Variants in NRXN1 observed in about 807,000 individuals in gnomAD.
NRXN1 encodes the protein neurexin 1.
NRXN1 carries 39 observed loss-of-function variants against 150.9 expected under a neutral mutation model. That is an observed-to-expected ratio of 0.26 (90% CI 0.20 to 0.34). The LOEUF (loss-of-function observed/expected upper bound fraction) is 0.34, where lower values mean the gene tolerates loss of function less well. Ranked by LOEUF, NRXN1 falls within the 10% of genes least tolerant of loss-of-function variation. NRXN1 has a pLI of 1.00. For synonymous variants in NRXN1, 924 were observed against 757.0 expected (o/e 1.22, Z -3.62); for missense variants, 1,815 against 1,949.9 (o/e 0.93, Z 1.30).
chr2:50,404,104 C>T (rs938467285), intron 17 of NRXN1, among the ~76,000 whole-genome samples: 5 of 152,100 alleles, frequency 3.3e-5, no homozygotes, highest in African/African-American at 1.2e-4. Flanking sequence ...ACCCTAAGCT[C>T]CACCTCACAC....
intron 18 of NRXN1, among the ~76,000 whole-genome samples, chr2:50,122,122 C>T (rs1162975578): frequency 6.6e-6 from 1 of 152,194 alleles, no homozygotes; most frequent in South Asian, 2.1e-4. Context: ...ACAGCAGATA[C>T]ACTTGCTGTT....
At chr2:50,913,554 A>G (rs767112613) in intron 5 of NRXN1, among the ~76,000 whole-genome samples, 6 of 151,788 alleles carry the variant, frequency 4.0e-5, no homozygotes, top group Non-Finnish European at 8.8e-5. Context: ...TTGTCTCAGT[A>G]GTGTAATTGT....
chr2:50,452,802 T>A (rs1287339702), intron 17 of NRXN1, among the ~76,000 whole-genome samples: 2 of 152,162 alleles, frequency 1.3e-5, no homozygotes, highest in Non-Finnish European at 2.9e-5. Flanking sequence ...AAACTTTAAT[T>A]CTCAATCTAT....
chr2:50,188,180 G>C (rs1316189150), intron 18 of NRXN1, among the ~76,000 whole-genome samples: 2 of 152,008 alleles, frequency 1.3e-5, no homozygotes, highest in Admixed American at 6.6e-5. Context: ...CAGATATATA[G>C]ACCAATGGAA....
chr2:50,438,304 T>A (rs1347592827), intron 17 of NRXN1, among the ~76,000 whole-genome samples: 2 of 152,206 alleles, frequency 1.3e-5, no homozygotes, highest in African/African-American at 4.8e-5. Flanking sequence ...CAGCCCCAGA[T>A]GGAGAAAACT....
chr2:50,616,544 C>A (rs1262188467), intron 8 of NRXN1: 1 of 151,870 alleles, frequency 6.6e-6, no homozygotes, highest in Non-Finnish European at 1.5e-5. Context: ...TATTTTTATG[C>A]CTTGAATGCC....
At chr2:50,203,885 G>C (rs2062370450) in intron 18 of NRXN1, among the ~76,000 whole-genome samples, 1 of 152,046 alleles carries the variant, frequency 6.6e-6, no homozygotes, top group African/African-American at 2.4e-5. Flanking sequence ...CAGTGACTGG[G>C]TGAGTTTTCC....
At chr2:50,641,581 T>G (rs544541736) in intron 5 of NRXN1, among the ~76,000 whole-genome samples, 1 of 152,176 alleles carries the variant, frequency 6.6e-6, no homozygotes, top group South Asian at 2.1e-4. Context: ...AATGGAAAGT[T>G]TTATTCTTCC....
intron 5 of NRXN1, among the ~76,000 whole-genome samples, chr2:50,720,292 A>C (rs1002528760): frequency 4.6e-5 from 7 of 152,168 alleles, no homozygotes; most frequent in African/African-American, 1.7e-4. Flanking sequence ...AAATTCATAT[A>C]AAACCAGTTA....
chr2:50,078,559 C>T (rs549056641), intron 19 of NRXN1, among the ~76,000 whole-genome samples: 3 of 152,062 alleles, frequency 2.0e-5, no homozygotes, highest in African/African-American at 7.2e-5. Flanking sequence ...TTTTCTATTG[C>T]AGGATCTAAC....
At chr2:50,392,679 G>A (rs1407154497) in intron 17 of NRXN1, among the ~76,000 whole-genome samples, 1 of 152,106 alleles carries the variant, frequency 6.6e-6, no homozygotes, top group Non-Finnish European at 1.5e-5. Flanking sequence ...CTTTGTAATT[G>A]GTCATAGTTG....
chr2:50,449,076 T>C (rs960689490), intron 17 of NRXN1, among the ~76,000 whole-genome samples: 3 of 152,146 alleles, frequency 2.0e-5, no homozygotes, highest in South Asian at 2.1e-4. Context: ...GCATCCCAAA[T>C]TGACTGGTGA....
Position 50,107,625 on chromosome 2 carries a change from G to C in NRXN1, c.3547-16131C>G, listed in dbSNP as rs142244639. 1.9e-4 allele frequency among the ~76,000 whole-genome samples: 29 copies of C among 149,442 alleles called. No homozygotes were observed. In the East Asian group the frequency reaches 5.7e-3, roughly 29 times the overall value. ...AAAAAACTACCCAGCTATGTACCTG[G>C]TTATATTCACACATTGTTACAGAGC... On this transcript the variant is annotated intron_variant, in intron 18 of 22. Transcript: ENST00000401669.
At chr2:50,963,057 C>T (rs1693466206) in intron 2 of NRXN1, among the ~76,000 whole-genome samples, 1 of 151,648 alleles carries the variant, frequency 6.6e-6, no homozygotes, top group African/African-American at 2.4e-5. Context: ...CTATTTCCTT[C>T]ACATTAAAAG....
chr2:50,190,804 G>T (rs2061396246), intron 18 of NRXN1, among the ~76,000 whole-genome samples: 1 of 151,316 alleles, frequency 6.6e-6, no homozygotes, highest in East Asian at 2.0e-4. Flanking sequence ...TAGAGACGGG[G>T]TTTTTTCCAT....
At chr2:50,529,231 T>C (rs146189130) in intron 11 of NRXN1, among the ~76,000 whole-genome samples, 1 of 152,300 alleles carries the variant, frequency 6.6e-6, no homozygotes, top group Non-Finnish European at 1.5e-5. Context: ...ATTCCATACC[T>C]TGCGTTAATT....
At chr2:50,404,129 T>C (rs1915171) in intron 17 of NRXN1, among the ~76,000 whole-genome samples, 22,747 of 151,094 alleles carry the variant, frequency 0.15, 1,954 homozygotes, top group African/African-American at 0.23. Context: ...TGTTGTGTCT[T>C]CTTCCTTTAG....
At chr2:50,848,218 C>T (rs1673977246) in intron 5 of NRXN1, among the ~76,000 whole-genome samples, 1 of 152,156 alleles carries the variant, frequency 6.6e-6, no homozygotes, top group African/African-American at 2.4e-5. Context: ...GGCACTGAAG[C>T]AGCCAGCCAC....
rs1024925910 is a variant in NRXN1, at chr2:51,027,779, C to T, written c.495G>A (p.Ala165=). ...CCGAGGCCAGGGTGAGCTTGAGCGC[C>T]GCGGCGCGCAGTTCCGGGGGCAGCC... The part of the protein sequence containing the change: ...VGGLPPELRA[A]ALKLTLASVR... Residue 165 remains alanine (A), a synonymous_variant, in exon 2 of 23, where the codon GCG becomes GCA. Coordinates refer to ENST00000401669, the MANE Select transcript of NRXN1 (RefSeq NM_001330078.2). 6.2e-7 allele frequency: 1 copy of T among 1,612,644 alleles called. No homozygotes were observed. The highest frequency in any genetic ancestry group is 1.3e-5 in the African/African-American group (1 of 75,004).
Sources: allele counts gnomAD v4.1 joint callset (sites outside exome capture counted in the v4.1 genomes callset), GRCh38; gene constraint gnomAD v4.1.1; transcripts MANE v1.5; gene names NCBI Gene and HGNC (gene_info 2026-07-23, HGNC 2026-07-21).